Variants in BTBD7 observed in about 807,000 individuals in gnomAD.
BTBD7 encodes BTB/POZ domain-containing protein 7.
Under a neutral mutation model 99.9 loss-of-function variants are expected in BTBD7, and 38 were observed. The ratio of observed to expected loss-of-function variants is 0.38; its 90% CI spans 0.29 to 0.50. BTBD7 has a LOEUF of 0.50. BTBD7 is among the 20% of genes least tolerant of loss of function. The pLI is 0.93. For missense variants in BTBD7, 1,170 were observed against 1,394.6 expected (o/e 0.84, Z 2.57); for synonymous variants, 520 against 511.4 (o/e 1.02, Z -0.23).
chr14:93,300,976 C>T (rs567073519), intron 1 of BTBD7, among the ~76,000 whole-genome samples: 1 of 151,836 alleles, frequency 6.6e-6, no homozygotes, highest in African/African-American at 2.4e-5. Context: ...ACCTGAATTT[C>T]GCATTTTAAA....
At chr14:93,297,329 T>C (rs2052941451) in intron 1 of BTBD7, among the ~76,000 whole-genome samples, 1 of 152,186 alleles carries the variant, frequency 6.6e-6, no homozygotes, top group Non-Finnish European at 1.5e-5. Context: ...ATATGAAAAT[T>C]AATTATTTAT....
intron 3 of BTBD7, among the ~76,000 whole-genome samples, chr14:93,280,802 C>G (rs1010343363): frequency 6.6e-6 from 1 of 151,470 alleles, no homozygotes; most frequent in Non-Finnish European, 1.5e-5. Flanking sequence ...TATATATACT[C>G]TGAACTAAGA....
In BTBD7 at chr14:93,251,768, T is replaced by C. The variant is rs991283553; in HGVS notation, c.1753-116A>G. 3.0e-6 allele frequency: 3 copies of C among 990,498 alleles called. No individual in the cohort carries two copies. The African/African-American group carries it at 5.0e-5, about 16-fold the overall frequency. 61.4% of individuals were successfully genotyped at this position (990,498 alleles called of 1,614,324 possible). A position where few individuals can be genotyped will look rare whatever the true frequency, so the allele number is the denominator to read the frequency against. Reference sequence around the variant, plus strand: ...AGGGAATTAATTTATTTCTATTTTATAAATGTTAACATTAGTGGTGAAAGA... The same window carrying C: ...AGGGAATTAATTTATTTCTATTTTACAAATGTTAACATTAGTGGTGAAAGA... On this transcript the variant is annotated intron_variant, in intron 7 of 10. Transcript: ENST00000334746.
chr14:93,309,974 TC>T (rs397797322), intron 1 of BTBD7, among the ~76,000 whole-genome samples: 1 of 151,764 alleles, frequency 6.6e-6, no homozygotes, highest in Non-Finnish European at 1.5e-5. Context: ...TGTTTTTTTT[TC>T]CCCCTTTAGA....
intron 3 of BTBD7, among the ~76,000 whole-genome samples, chr14:93,286,573 T>C (rs1196283583): frequency 1.3e-5 from 2 of 152,196 alleles, no homozygotes; most frequent in African/African-American, 2.4e-5. Flanking sequence ...TATAGTTTTC[T>C]GTTTTGTTCC....
chr14:93,285,522 G>C (rs1393809991), intron 3 of BTBD7, among the ~76,000 whole-genome samples: 2 of 152,206 alleles, frequency 1.3e-5, no homozygotes, highest in African/African-American at 4.8e-5. Context: ...TATGCATGTA[G>C]ATGTTGGTGC....
At chr14:93,290,081 G>A (rs1424845371) in intron 3 of BTBD7, among the ~76,000 whole-genome samples, 5 of 152,042 alleles carry the variant, frequency 3.3e-5, no homozygotes, top group African/African-American at 1.2e-4. Context: ...TCGAACTCCT[G>A]ACTTCAGGTG....
rs1011180325 is a variant in BTBD7, at chr14:93,332,888, C to T, written c.-175G>A. The T allele has an allele frequency of 3.8e-5, 55 of 1,436,398 alleles. No individual in the cohort carries two copies. The highest frequency in any genetic ancestry group is 4.9e-5 in the Non-Finnish European group (53 of 1,086,848). The allele number at this position is 1,436,398 out of a possible 1,614,324, so 89.0% of individuals were successfully genotyped here. A position where few individuals can be genotyped will look rare whatever the true frequency, so the allele number is the denominator to read the frequency against. On this transcript the variant is annotated 5_prime_UTR_variant, in exon 1 of 11. The change creates a new upstream start codon in the 5' untranslated region. Transcript: ENST00000334746. ...GCCGTCGCCTCCGCCGCCGCCGCCA[C>T]CAGCACCGCCGTCCGCACCGGCGCC...
At chr14:93,245,175 AAAC>A (rs1412842608) in intron 10 of BTBD7, among the ~76,000 whole-genome samples, 4 of 151,966 alleles carry the variant, frequency 2.6e-5, no homozygotes, top group African/African-American at 9.7e-5. Flanking sequence ...AAAAAAAAAA[AAAC>A]TTTTTAAAGT....
chr14:93,252,235 G>A (rs1412838033), intron 7 of BTBD7, among the ~76,000 whole-genome samples: 1 of 151,728 alleles, frequency 6.6e-6, no homozygotes, highest in Non-Finnish European at 1.5e-5. Flanking sequence ...GCTTGAACTC[G>A]GGAGGAGAAG....
intron 1 of BTBD7, among the ~76,000 whole-genome samples, chr14:93,323,955 A>T (rs1190380104): frequency 6.6e-6 from 1 of 152,240 alleles, no homozygotes; most frequent in Non-Finnish European, 1.5e-5. Context: ...CATCCCGTAC[A>T]CTTTGGTTCA....
At chr14:93,243,383 C>T (rs1309024481) in intron 10 of BTBD7, among the ~76,000 whole-genome samples, 2 of 151,974 alleles carry the variant, frequency 1.3e-5, no homozygotes, top group African/African-American at 2.4e-5. Flanking sequence ...TTAGTGGAGA[C>T]GGGGTTTCAA....
At chr14:93,267,801 T>C (rs1321155815) in intron 3 of BTBD7, among the ~76,000 whole-genome samples, 2 of 152,330 alleles carry the variant, frequency 1.3e-5, no homozygotes, top group East Asian at 1.9e-4. Flanking sequence ...AGAATCTCCA[T>C]TGAATTTTTA....
intron 1 of BTBD7, among the ~76,000 whole-genome samples, chr14:93,307,674 C>T (rs1312045311): frequency 6.6e-6 from 1 of 152,160 alleles, no homozygotes; most frequent in African/African-American, 2.4e-5. Flanking sequence ...TCAAATACTA[C>T]CTCTTGGAGA....
intron 1 of BTBD7, among the ~76,000 whole-genome samples, chr14:93,299,957 C>T (rs2052973688): frequency 1.3e-5 from 2 of 152,180 alleles, no homozygotes; most frequent in Admixed American, 6.5e-5. Context: ...GCTGCCCCCA[C>T]GGGGCATGAA....
chr14:93,313,545 T>C (rs1319771701), intron 1 of BTBD7, among the ~76,000 whole-genome samples: 1 of 152,136 alleles, frequency 6.6e-6, no homozygotes, highest in East Asian at 1.9e-4. Flanking sequence ...TCCACTAATA[T>C]ATGCAACAAT....
intron 3 of BTBD7, among the ~76,000 whole-genome samples, chr14:93,292,564 A>G (rs1271768187): frequency 1.3e-5 from 2 of 152,226 alleles, no homozygotes; most frequent in Admixed American, 1.3e-4. Context: ...GTTTTAAAAG[A>G]TTCTTTATGT....
intron 1 of BTBD7, among the ~76,000 whole-genome samples, chr14:93,308,160 G>A (rs1407327024): frequency 1.3e-5 from 2 of 151,984 alleles, no homozygotes; most frequent in Admixed American, 6.6e-5. Flanking sequence ...GGTGGTGGGC[G>A]CCTGCAGTCC....
rs372364598 is a variant in BTBD7, at chr14:93,263,824, T to C, written c.1332A>G (p.Lys444=). The C allele has an allele frequency of 4.3e-6, 7 of 1,614,066 alleles. No individual in the cohort carries two copies. Among genetic ancestry groups the C allele is most frequent in the African/African-American group, 1.3e-5 (1 of 74,938 alleles). Residue 444 remains lysine (K), a synonymous_variant, in exon 4 of 11, where the codon AAA becomes AAG. Coordinates refer to ENST00000334746, the MANE Select transcript of BTBD7 (RefSeq NM_001002860.4). ...ACTGGATAGCAGTAAGCAGATGGTC[T>C]TTGCTGAGTTCATAAAAAACATCCG... ...MTSDVFYELS[K]DHLLTAIQSD... is the part of the protein sequence containing the mutation.
Sources: allele counts gnomAD v4.1 joint callset (sites outside exome capture counted in the v4.1 genomes callset), GRCh38; gene constraint gnomAD v4.1.1; transcripts MANE v1.5; gene names NCBI Gene and HGNC (gene_info 2026-07-23, HGNC 2026-07-21).